NEK1: variants seen among roughly 807,000 people sequenced by gnomAD.
The protein encoded by NEK1 is serine/threonine-protein kinase Nek1.
NEK1 carries 137 observed loss-of-function variants against 182.1 expected under a neutral mutation model. The observed-to-expected ratio is 0.75, with a 90% CI of 0.65 to 0.87. The LOEUF is 0.87. Among genes scored for constraint, NEK1 ranks in the 40% least tolerant of loss-of-function variants. The pLI, the probability that NEK1 is intolerant of heterozygous loss-of-function variation, is 0.00. For missense variants in NEK1, 1,391 were observed against 1,494.4 expected, an observed-to-expected ratio of 0.93 and a Z score of 1.14; for synonymous variants, 513 against 492.2, an observed-to-expected ratio of 1.04 and a Z score of -0.56.
At chr4:169,455,394 C>T (rs1288908871) in intron 27 of NEK1, among the ~76,000 whole-genome samples, 1 of 149,726 alleles carries the variant, frequency 6.7e-6, no homozygotes, top group African/African-American at 2.4e-5. Flanking sequence ...TAAAGACACA[C>T]ACAGACCAAA....
At chr4:169,394,584 A>T in intron 35 of NEK1, 61 bp from the exon 36 acceptor site, 5 of 1,058,720 alleles carry the variant, frequency 4.7e-6, no homozygotes, top group Non-Finnish European at 6.9e-6. Context: ...CTTTAAAAAA[A>T]ACCCATTCTT....
chr4:169,507,015 A>T, intron 23 of NEK1, 22 bp downstream of exon 23: 1 of 1,524,194 alleles, frequency 6.6e-7, no homozygotes, highest in Non-Finnish European at 9.0e-7. Flanking sequence ...AACCAGGATT[A>T]AGAATATGAG....
chr4:169,498,132 G>C (rs1468310984), intron 23 of NEK1, among the ~76,000 whole-genome samples: 1 of 152,188 alleles, frequency 6.6e-6, no homozygotes, highest in African/African-American at 2.4e-5. Flanking sequence ...AGCTCTTCTT[G>C]TTGAATTGAT....
At chr4:169,498,009 A>C (rs1439432966) in intron 23 of NEK1, among the ~76,000 whole-genome samples, 1 of 152,154 alleles carries the variant, frequency 6.6e-6, no homozygotes, top group Non-Finnish European at 1.5e-5. Context: ...ATGGGGTGTT[A>C]AAGTCTTCCC....
chr4:169,610,946 GTTCT>G (rs1157102714), intron 2 of NEK1, among the ~76,000 whole-genome samples: 1 of 152,168 alleles, frequency 6.6e-6, no homozygotes, highest in East Asian at 1.9e-4. Flanking sequence ...CAGGAAAAAA[GTTCT>G]TTATCTTCCT....
rs1440944354 is a variant in NEK1 at position 169,400,372 on chromosome 4, C to G, written c.3715-15G>C. On this transcript the variant is annotated splice_polypyrimidine_tract_variant and intron_variant, in intron 34 of 35. Coordinates refer to ENST00000507142, the MANE Select transcript of NEK1 (RefSeq NM_001199397.3). The stretch of plus-strand genomic sequence containing the variant: ...TCATGAATAGCCTATACCAAATTCC[C>G]AAATATAAATTAATATTTGAATAAC... 6.8e-7 allele frequency: 1 copy of G among 1,465,466 alleles called. No homozygotes were observed. Among genetic ancestry groups the G allele is most frequent in the East Asian group, 2.5e-5 (1 of 39,962 alleles). 90.8% of individuals were successfully genotyped at this position (1,465,466 alleles called of 1,614,324 possible).
chr4:169,474,135 C>G (rs181241351), intron 26 of NEK1, among the ~76,000 whole-genome samples: 1 of 151,536 alleles, frequency 6.6e-6, no homozygotes, highest in Non-Finnish European at 1.5e-5. Flanking sequence ...GGGAAGAGTA[C>G]GATGGAAAAG....
chr4:169,565,266 C>A (rs1257903729), intron 12 of NEK1, among the ~76,000 whole-genome samples: 1 of 152,132 alleles, frequency 6.6e-6, no homozygotes, highest in African/African-American at 2.4e-5. Context: ...TACATACACA[C>A]CCCTAAGTTT....
intron 19 of NEK1, among the ~76,000 whole-genome samples, chr4:169,512,754 T>C (rs1326006800): frequency 6.6e-6 from 1 of 152,104 alleles, no homozygotes. Flanking sequence ...GCCCATGATC[T>C]GTTTTGAGGT....
chr4:169,419,969 G>C (rs1305355287), intron 31 of NEK1, among the ~76,000 whole-genome samples: 1 of 152,206 alleles, frequency 6.6e-6, no homozygotes, highest in Non-Finnish European at 1.5e-5. Flanking sequence ...AAGCCAGTGA[G>C]TGAGTGGTGA....
intron 9 of NEK1, 116 bp downstream of exon 9, chr4:169,587,443 G>A: frequency 1.7e-6 from 1 of 585,138 alleles, no homozygotes; most frequent in Non-Finnish European, 2.9e-6. Flanking sequence ...AATGGACTTA[G>A]AGGAGAATTT....
At chr4:169,603,487 G>A (rs143183626) in intron 2 of NEK1, among the ~76,000 whole-genome samples, 124 of 152,272 alleles carry the variant, frequency 8.1e-4, no homozygotes, top group Non-Finnish European at 1.4e-3. Flanking sequence ...TTGGTCACAT[G>A]TAAAATGTGA....
intron 23 of NEK1, among the ~76,000 whole-genome samples, chr4:169,485,608 AAAC>A (rs1254585891): frequency 6.6e-6 from 1 of 152,216 alleles, no homozygotes; most frequent in African/African-American, 2.4e-5. Flanking sequence ...TAAGCCAGGA[AAAC>A]AATATAAAGT....
Position 169,602,683 on chromosome 4 carries a change from C to A in NEK1, c.-48-5G>T. ...ATATGCTAGACATTTAAAAAACTAA[C>A]AAAAAAGATAAAGCATTTATAACAT... On this transcript the variant is annotated splice_region_variant and splice_polypyrimidine_tract_variant and intron_variant, in intron 2 of 35. Coordinates refer to ENST00000507142, the MANE Select transcript of NEK1 (RefSeq NM_001199397.3). The A allele has an allele frequency of 9.7e-6, 9 of 923,642 alleles. No homozygotes were observed. The highest frequency in any genetic ancestry group is 6.2e-5 in the Admixed American group (3 of 48,312). 57.2% of individuals were successfully genotyped at this position (923,642 alleles called of 1,614,324 possible).
intron 19 of NEK1, among the ~76,000 whole-genome samples, chr4:169,513,419 A>C (rs930869505): frequency 6.6e-6 from 1 of 152,088 alleles, no homozygotes; most frequent in Admixed American, 6.6e-5. Context: ...TTGTGTACTG[A>C]TCTTGTATCC....
chr4:169,584,695 A>C (rs979498409), intron 10 of NEK1, among the ~76,000 whole-genome samples: 1 of 152,268 alleles, frequency 6.6e-6, no homozygotes, highest in Non-Finnish European at 1.5e-5. Context: ...TTGAGCACTT[A>C]CATGCTAGAC....
At position 169,463,309 on chromosome 4, in the gene NEK1, T is replaced by C. The variant is rs755436817; in HGVS notation, c.2521A>G (p.Lys841Glu). 7.6e-5 allele frequency: 122 copies of C among 1,609,188 alleles called. No individual in the cohort carries two copies. Among genetic ancestry groups the C allele is most frequent in the Non-Finnish European group, 1.0e-4 (118 of 1,177,214 alleles). ...WGKSPTDSVL[K>E]ILGEAELQLQ... The stretch of plus-strand genomic sequence containing the variant: ...TGTAGTTCAGCTTCTCCAAGTATCT[T>C]TAGAACAGAATCTGTCGGACTTTTC... The change falls in exon 27 of 36, where the codon AAG becomes GAG. Residue 841 changes from lysine (K) to glutamate (E), a missense_variant. By Grantham distance (56) the Lys-to-Glu change is moderately conservative (BLOSUM62 1). Around this residue, in one of 5 missense-constraint regions of NEK1, gnomAD observed 1,216 missense variants for 1,277.6 expected, o/e 0.95. Coordinates refer to ENST00000507142, the MANE Select transcript of NEK1 (RefSeq NM_001199397.3).
chr4:169,580,863 A>C lies in NEK1; in HGVS notation c.847T>G (p.Phe283Val). Residue 283 changes from phenylalanine (F) to valine (V), a missense_variant, in exon 11 of 36, where the codon TTT (phenylalanine) becomes GTT (valine). Phe to Val is a conservative substitution (Grantham distance 50). Coordinates refer to ENST00000507142, the MANE Select transcript of NEK1 (RefSeq NM_001199397.3). ...TTACCTGGTATAGGCTGTGATCCAA[A>C]CTTCGAAAATGTTTTTAGACAAAAT... ...EEFCLKTFSK[F>V]GSQPIPAKRP... The C allele has an allele frequency of 6.5e-7, 1 of 1,535,208 alleles. No homozygotes were observed. Among genetic ancestry groups the C allele is most frequent in the South Asian group, 1.2e-5 (1 of 81,474 alleles).
intron 11 of NEK1, among the ~76,000 whole-genome samples, chr4:169,578,836 G>T (rs1031472358): frequency 2.0e-5 from 3 of 152,108 alleles, no homozygotes; most frequent in Admixed American, 6.6e-5. Context: ...ATAGGGTAAG[G>T]TTTTCCAAAC....
Sources: gnomAD v4.1 joint callset for allele counts (sites outside exome capture counted in the v4.1 genomes callset) on GRCh38, gnomAD v4.1.1 for gene constraint, gnomAD v4.1.1 regional missense constraint, MANE v1.5 for transcripts, NCBI Gene and HGNC (gene_info 2026-07-23, HGNC 2026-07-21) for gene names.